SPTBN1: variants seen among roughly 807,000 people sequenced by gnomAD.
The protein encoded by SPTBN1 is spectrin beta chain, non-erythrocytic 1.
In SPTBN1, 32 loss-of-function variants were observed where a neutral mutation model predicts 266.4. That is an observed-to-expected ratio of 0.12 (90% CI 0.09 to 0.16). The LOEUF is 0.16. Among genes scored for constraint, SPTBN1 ranks in the 10% least tolerant of loss-of-function variants. The pLI is 1.00. For synonymous variants in SPTBN1, 1,336 were observed against 1,162.2 expected (o/e 1.15, Z -3.04); for missense variants, 2,296 against 3,067.1 (o/e 0.75, Z 5.94).
intron 1 of SPTBN1, among the ~76,000 whole-genome samples, chr2:54,507,168 G>A (rs973551329): frequency 6.6e-6 from 1 of 152,054 alleles, no homozygotes. Flanking sequence ...AAATCACAAT[G>A]GTGGAATGTT....
intron 2 of SPTBN1, among the ~76,000 whole-genome samples, chr2:54,560,164 A>G (rs559893227): frequency 1.5e-5 from 2 of 132,978 alleles, no homozygotes; most frequent in Non-Finnish European, 3.1e-5. Flanking sequence ...GGCGCTTGCA[A>G]GTAGTAAATA....
intron 2 of SPTBN1, among the ~76,000 whole-genome samples, chr2:54,555,483 C>T (rs757654248): frequency 4.6e-5 from 7 of 152,202 alleles, no homozygotes; most frequent in South Asian, 2.1e-4. Context: ...TTAATTTTTA[C>T]GTCAGCCCAT....
Position 54,612,244 on chromosome 2 carries a change from C to T in SPTBN1, c.384C>T (p.Val128=). ...TTCAGTTCCTGAAGGAGCAGAGAGT[C>T]CATCTTGAGAACATGGGGTCCCATG... ...KALQFLKEQR[V]HLENMGSHDI... The change falls in exon 4 of 36, where the codon GTC becomes GTT. Residue 128 remains valine, a synonymous_variant. Coordinates refer to ENST00000356805, the MANE Select transcript of SPTBN1 (RefSeq NM_003128.3). The T allele has an allele frequency of 6.2e-7, 1 of 1,614,102 alleles. No individual in the cohort carries two copies. The highest frequency in any genetic ancestry group is 1.1e-5 in the South Asian group (1 of 91,084).
intron 2 of SPTBN1, among the ~76,000 whole-genome samples, chr2:54,597,550 G>A (rs903110645): frequency 6.6e-6 from 1 of 152,322 alleles, no homozygotes; most frequent in African/African-American, 2.4e-5. Context: ...GGACCTCAAG[G>A]AGCCGCTGAC....
intron 1 of SPTBN1, among the ~76,000 whole-genome samples, chr2:54,492,262 T>C (rs935348692): frequency 6.6e-6 from 1 of 152,128 alleles, no homozygotes; most frequent in Non-Finnish European, 1.5e-5. Context: ...AAAACACTTT[T>C]TATGGCTGTA....
At chr2:54,579,913 G>A (rs887719253) in intron 2 of SPTBN1, among the ~76,000 whole-genome samples, 16 of 152,236 alleles carry the variant, frequency 1.1e-4, no homozygotes, top group African/African-American at 3.9e-4. Context: ...CCTCTGTGCT[G>A]AACTTGAATG....
At chr2:54,593,043 G>A (rs1558877914) in intron 2 of SPTBN1, among the ~76,000 whole-genome samples, 1 of 152,192 alleles carries the variant, frequency 6.6e-6, no homozygotes, top group Non-Finnish European at 1.5e-5. Flanking sequence ...AATTCCATCT[G>A]GAGGAAGGAG....
intron 2 of SPTBN1, among the ~76,000 whole-genome samples, chr2:54,542,458 G>T (rs1252064241): frequency 6.6e-6 from 1 of 152,218 alleles, no homozygotes; most frequent in Non-Finnish European, 1.5e-5. Flanking sequence ...TTTTCAAATA[G>T]AAAACTGTTA....
chr2:54,578,551 A>G (rs1252145098), intron 2 of SPTBN1, among the ~76,000 whole-genome samples: 1 of 152,216 alleles, frequency 6.6e-6, no homozygotes, highest in Admixed American at 6.5e-5. Flanking sequence ...TCCCCATAGC[A>G]GATATAAAAA....
At chr2:54,501,320 TAGAAAG>T (rs1193662114) in intron 1 of SPTBN1, among the ~76,000 whole-genome samples, 1 of 152,160 alleles carries the variant, frequency 6.6e-6, no homozygotes, top group Non-Finnish European at 1.5e-5. Flanking sequence ...TTTATTCCTT[TAGAAAG>T]AAATAGGTTT....
chr2:54,658,121 G>A (rs896658702), intron 30 of SPTBN1, 75 bp downstream of exon 30: 2 of 1,534,076 alleles, frequency 1.3e-6, no homozygotes, highest in Non-Finnish European at 1.8e-6. Context: ...TTAGACCAGG[G>A]AATTCACACG....
chr2:54,632,068 C>A (rs1678769871), intron 16 of SPTBN1, among the ~76,000 whole-genome samples: 1 of 146,754 alleles, frequency 6.8e-6, no homozygotes, highest in Admixed American at 6.7e-5. Flanking sequence ...AGGGTGAGAC[C>A]CTGTCTCTTA....
intron 8 of SPTBN1, among the ~76,000 whole-genome samples, chr2:54,621,982 C>CT (rs909221782): frequency 2.6e-5 from 4 of 152,126 alleles, no homozygotes; most frequent in South Asian, 4.1e-4. Context: ...AAATTGAGCC[C>CT]TTTTTGTTTC....
At chr2:54,562,736 T>TGTGTGTGTG (rs1399014347) in intron 2 of SPTBN1, among the ~76,000 whole-genome samples, 1 of 68,966 alleles carries the variant, frequency 1.4e-5, no homozygotes, top group East Asian at 3.5e-4. Context: ...GTGTGTGTGT[T>TGTGTGTGTG]TTGTAGAGAC....
In SPTBN1 at chr2:54,653,842, G is replaced by A. The variant is rs1041507577; in HGVS notation, c.5811G>A (p.Gln1937=). 6.2e-7 allele frequency: 1 copy of A among 1,612,090 alleles called. No homozygotes were observed. The highest frequency in any genetic ancestry group is 8.5e-7 in the Non-Finnish European group (1 of 1,179,520). The change falls in exon 27 of 36, where the codon CAG becomes CAA. Residue 1937 remains glutamine, a synonymous_variant. Coordinates refer to ENST00000356805, the MANE Select transcript of SPTBN1 (RefSeq NM_003128.3). The surrounding 1 kb of genome is among the most constrained non-coding windows in gnomAD (Gnocchi z 5.1). ...MEDVIRQIEA[Q]EKPRDVSSVE... The stretch of plus-strand genomic sequence containing the variant: ...ATGTCATCCGGCAGATCGAGGCCCA[G>A]GAGAAGCCAAGGTAACGCTTTCAGC...
chr2:54,599,269 G>T (rs1433290707), intron 3 of SPTBN1, 26 bp downstream of exon 3: 1 of 1,610,960 alleles, frequency 6.2e-7, no homozygotes. Flanking sequence ...AGGAAGTGCC[G>T]TGTGTTGTAG....
Position 54,668,645 on chromosome 2 carries a change from T to A in SPTBN1, c.*76T>A. ...AGCATGCAAGCTCAGAACCAACACA[T>A]TACTCTCTGTGCCTAATGTTCCTCA... On this transcript the variant is annotated 3_prime_UTR_variant, in exon 36 of 36. Transcript: ENST00000356805. 1 of 1,349,096 alleles carries A rather than the reference T, an allele frequency of 7.4e-7. No homozygotes were observed. The allele number at this position is 1,349,096 out of a possible 1,614,324, so 83.6% of individuals were successfully genotyped here. A position where few individuals can be genotyped will look rare whatever the true frequency, so the allele number is the denominator to read the frequency against.
intron 1 of SPTBN1, among the ~76,000 whole-genome samples, chr2:54,504,609 A>G (rs1669455046): frequency 6.6e-6 from 1 of 152,236 alleles, no homozygotes; most frequent in African/African-American, 2.4e-5. Flanking sequence ...GGTGATTTAA[A>G]GTATTTGAGA....
intron 27 of SPTBN1, among the ~76,000 whole-genome samples, chr2:54,654,711 G>T (rs1257141964): frequency 6.6e-6 from 1 of 152,190 alleles, no homozygotes; most frequent in Non-Finnish European, 1.5e-5. Flanking sequence ...ACCTCTTGCT[G>T]CTTCTCTACT....
Sources: allele counts gnomAD v4.1 joint callset (sites outside exome capture counted in the v4.1 genomes callset), GRCh38; gene constraint gnomAD v4.1.1; non-coding constraint Gnocchi (gnomAD v3.1); transcripts MANE v1.5; gene names NCBI Gene and HGNC (gene_info 2026-07-23, HGNC 2026-07-21).